NCK2: variants seen among roughly 807,000 people sequenced by gnomAD.
NCK2 encodes cytoplasmic protein NCK2.
A neutral mutation model predicts 33.9 loss-of-function variants in NCK2; 16 were observed. That is an observed-to-expected ratio of 0.47 (90% CI 0.32 to 0.72). The LOEUF is 0.72. Ranked by LOEUF, NCK2 falls within the 30% of genes least tolerant of loss-of-function variation. The probability of loss-of-function intolerance (pLI) is 0.03; values close to 1 mark genes in which losing one functional copy is unlikely to be tolerated. For missense variants in NCK2, 418 were observed against 537.3 expected, an observed-to-expected ratio of 0.78 and a Z score of 2.19; for synonymous variants, 273 against 239.9, an observed-to-expected ratio of 1.14 and a Z score of -1.27.
At chr2:105,840,918 T>A (rs1676620535) in intron 2 of NCK2, among the ~76,000 whole-genome samples, 1 of 150,992 alleles carries the variant, frequency 6.6e-6, no homozygotes, top group Admixed American at 6.6e-5. Context: ...CGTGGGCATC[T>A]GAAAGGCTGC....
At chr2:105,860,983 C>T (rs942656926) in intron 3 of NCK2, among the ~76,000 whole-genome samples, 2 of 151,750 alleles carry the variant, frequency 1.3e-5, no homozygotes, top group African/African-American at 4.9e-5. Flanking sequence ...TTGTGGATCC[C>T]GAAAGAAGGG....
intron 1 of NCK2, among the ~76,000 whole-genome samples, chr2:105,776,248 C>T (rs1690296361): frequency 1.3e-5 from 2 of 152,242 alleles, no homozygotes; most frequent in African/African-American, 4.8e-5. Context: ...CGACAGAAAC[C>T]GTACATCCTG....
At chr2:105,799,284 TCTTC>T (rs1370372092) in intron 1 of NCK2, among the ~76,000 whole-genome samples, 2 of 152,170 alleles carry the variant, frequency 1.3e-5, no homozygotes, top group African/African-American at 2.4e-5. Context: ...AAAAAAAAGT[TCTTC>T]CTTCAGGGTT....
chr2:105,849,665 G>T (rs1362810443), intron 2 of NCK2, among the ~76,000 whole-genome samples: 1 of 152,156 alleles, frequency 6.6e-6, no homozygotes, highest in African/African-American at 2.4e-5. Context: ...CTAGGAGAGT[G>T]ACACTTTGAT....
At chr2:105,781,056 T>C (rs896867614) in intron 1 of NCK2, among the ~76,000 whole-genome samples, 6 of 152,220 alleles carry the variant, frequency 3.9e-5, no homozygotes, top group African/African-American at 9.7e-5. Context: ...TCCTGTCTTC[T>C]TGCTTTCAGA....
At chr2:105,852,982 G>A (rs1389161602) in intron 2 of NCK2, among the ~76,000 whole-genome samples, 1 of 152,052 alleles carries the variant, frequency 6.6e-6, no homozygotes, top group African/African-American at 2.4e-5. Flanking sequence ...TGAAAGAAAC[G>A]TGTATTATTT....
chr2:105,866,275 C>T (rs925093310), intron 3 of NCK2, among the ~76,000 whole-genome samples: 2 of 152,182 alleles, frequency 1.3e-5, no homozygotes, highest in East Asian at 1.9e-4. Context: ...GCAAATGCTC[C>T]GTGATCTTAT....
intron 2 of NCK2, among the ~76,000 whole-genome samples, chr2:105,836,858 G>A (rs902819052): frequency 1.3e-5 from 2 of 152,158 alleles, no homozygotes; most frequent in South Asian, 2.1e-4. Flanking sequence ...GCAGCAGCCT[G>A]GGACTCAGGG....
rs891363527 is a variant in NCK2 at position 105,835,208 on chromosome 2, C to A, written c.-17+18595C>A. On this transcript the variant is annotated intron_variant, in intron 2 of 4. Coordinates refer to ENST00000233154, the MANE Select transcript of NCK2 (RefSeq NM_003581.5). The stretch of plus-strand genomic sequence containing the variant: ...TGTTTCCATGATGGCAGATATCATT[C>A]TTTTGCTTCCAAATGTAGGGTTTCC... 7.3e-5 allele frequency among the ~76,000 whole-genome samples: 11 copies of A among 151,254 alleles called. No individual in the cohort carries two copies. In the East Asian group the frequency reaches 2.0e-3, roughly 27 times the overall value.
chr2:105,750,631 C>T (rs1689427847), intron 1 of NCK2, among the ~76,000 whole-genome samples: 1 of 152,178 alleles, frequency 6.6e-6, no homozygotes, highest in African/African-American at 2.4e-5. Flanking sequence ...GGGAACAAGC[C>T]TTGGTGCTGG....
intron 3 of NCK2, among the ~76,000 whole-genome samples, chr2:105,874,154 T>C (rs1228022888): frequency 1.3e-5 from 2 of 152,142 alleles, no homozygotes; most frequent in Non-Finnish European, 2.9e-5. Context: ...TGAATTTGAG[T>C]TTTTTCCCTT....
At position 105,875,033 on chromosome 2, in the gene NCK2, C is replaced by T. The variant is rs1325852789; in HGVS notation, c.227-6295C>T. On this transcript the variant is annotated intron_variant, in intron 3 of 4. Transcript: ENST00000233154. ...GTGACAAATGTTATTACCTGCAGTA[C>T]ACATGTTATTTTATTATTATGAAAT... Among the ~76,000 whole-genome samples the T allele has an allele frequency of 7.0e-4, 107 of 152,282 alleles. 1 individual carries two copies. Among genetic ancestry groups the T allele is most frequent in the Non-Finnish European group, 1.5e-4 (10 of 68,024 alleles).
intron 1 of NCK2, among the ~76,000 whole-genome samples, chr2:105,777,109 G>A (rs1005873131): frequency 1.3e-5 from 2 of 152,048 alleles, no homozygotes; most frequent in African/African-American, 2.4e-5. Flanking sequence ...TCTCCTCACT[G>A]CTGCTGCCGC....
intron 1 of NCK2, among the ~76,000 whole-genome samples, chr2:105,751,301 T>G (rs1418712719): frequency 6.6e-6 from 1 of 152,128 alleles, no homozygotes; most frequent in Non-Finnish European, 1.5e-5. Flanking sequence ...CTCCAAAAGA[T>G]CTAACATCTC....
intron 2 of NCK2, among the ~76,000 whole-genome samples, chr2:105,821,798 G>A (rs1386950122): frequency 2.7e-5 from 4 of 148,448 alleles, no homozygotes; most frequent in East Asian, 2.1e-4. Context: ...GTCCACAGCT[G>A]TGCATGCTCA....
chr2:105,882,773 C>T (rs912784164), intron 4 of NCK2, among the ~76,000 whole-genome samples: 2 of 152,158 alleles, frequency 1.3e-5, no homozygotes, highest in Non-Finnish European at 2.9e-5. Context: ...AGGAAATACT[C>T]GACCAGTTTT....
At chr2:105,816,728 A>G (rs373049830) in intron 2 of NCK2, 115 bp downstream of exon 2, 2 of 152,200 alleles carry the variant, frequency 1.3e-5, no homozygotes, top group South Asian at 4.1e-4. Context: ...TTGTTGAATC[A>G]CATTAAATTT....
At chr2:105,835,293 T>G (rs959462089) in intron 2 of NCK2, among the ~76,000 whole-genome samples, 1 of 150,160 alleles carries the variant, frequency 6.7e-6, no homozygotes, top group Non-Finnish European at 1.5e-5. Context: ...TTTGCTTGTC[T>G]GGGAAAGACT....
At chr2:105,792,979 AC>A (rs1389394786) in intron 1 of NCK2, among the ~76,000 whole-genome samples, 1 of 151,974 alleles carries the variant, frequency 6.6e-6, no homozygotes, top group African/African-American at 2.4e-5. Flanking sequence ...TTTCTCACCA[AC>A]CGAGTCAGCT....
Sources: allele counts gnomAD v4.1 joint callset (sites outside exome capture counted in the v4.1 genomes callset), GRCh38; gene constraint gnomAD v4.1.1; transcripts MANE v1.5; gene names NCBI Gene and HGNC (gene_info 2026-07-23, HGNC 2026-07-21).